Variants in CUL4A observed in about 807,000 individuals in gnomAD.
CUL4A encodes the protein cullin 4A.
Under a neutral mutation model 95.5 loss-of-function variants are expected in CUL4A, and 16 were observed. The observed-to-expected ratio is 0.17, with a 90% CI of 0.11 to 0.25. CUL4A has a LOEUF of 0.25. Ranked by LOEUF, CUL4A falls within the 10% of genes least tolerant of loss-of-function variation. The pLI, the probability that CUL4A is intolerant of heterozygous loss-of-function variation, is 1.00. For synonymous variants in CUL4A, 380 were observed against 353.1 expected, an observed-to-expected ratio of 1.08 and a Z score of -0.85; for missense variants, 610 against 937.0, an observed-to-expected ratio of 0.65 and a Z score of 4.56.
intron 15 of CUL4A, among the ~76,000 whole-genome samples, chr13:113,251,402 G>A (rs1475760103): frequency 1.3e-5 from 2 of 152,218 alleles, no homozygotes; most frequent in South Asian, 2.1e-4. Context: ...AGAATTTCAC[G>A]CTTTCTTTGT....
intron 16 of CUL4A, 31 bp downstream of exon 16, chr13:113,253,226 A>G (rs2042038346): frequency 5.1e-6 from 6 of 1,179,254 alleles, no homozygotes; most frequent in Non-Finnish European, 7.1e-6. Context: ...ATTTTTTATT[A>G]TTTGTAAATA....
At chr13:113,234,880 T>C (rs2041486883) in intron 7 of CUL4A, among the ~76,000 whole-genome samples, 183 bp from the exon 8 acceptor site, 1 of 152,178 alleles carries the variant, frequency 6.6e-6, no homozygotes, top group African/African-American at 2.4e-5. Flanking sequence ...GCGTCCTTTC[T>C]CCATGTCCCC....
At chr13:113,212,916 G>C (rs949450536) in intron 2 of CUL4A, among the ~76,000 whole-genome samples, 2 of 152,206 alleles carry the variant, frequency 1.3e-5, no homozygotes, top group Admixed American at 6.5e-5. Context: ...AGTGAGTTGT[G>C]AAATCAGGGT....
intron 18 of CUL4A, among the ~76,000 whole-genome samples, chr13:113,259,850 C>G (rs1393829967): frequency 3.3e-5 from 5 of 152,058 alleles, no homozygotes; most frequent in Non-Finnish European, 1.5e-5. Flanking sequence ...CCTTTTACTA[C>G]AACAAGTAAA....
intron 10 of CUL4A, among the ~76,000 whole-genome samples, 161 bp from the exon 11 acceptor site, chr13:113,242,807 A>G (rs1448465072): frequency 6.6e-6 from 1 of 152,242 alleles, no homozygotes; most frequent in Non-Finnish European, 1.5e-5. Context: ...TATTCACTTA[A>G]TTTTTGAAAT....
At chr13:113,224,140 C>T (rs1463419740) in intron 3 of CUL4A, among the ~76,000 whole-genome samples, 1 of 152,082 alleles carries the variant, frequency 6.6e-6, no homozygotes, top group Non-Finnish European at 1.5e-5. Flanking sequence ...ATCATGAGGT[C>T]AGGAGATCGA....
intron 2 of CUL4A, among the ~76,000 whole-genome samples, chr13:113,212,699 C>T (rs531899639): frequency 1.3e-5 from 2 of 152,158 alleles, no homozygotes; most frequent in African/African-American, 4.8e-5. Flanking sequence ...GCCGGAGAAT[C>T]GCTTGAACCC....
chr13:113,246,190 G>A (rs1260548222), intron 15 of CUL4A, 127 bp downstream of exon 15: 2 of 676,194 alleles, frequency 3.0e-6, no homozygotes, highest in Non-Finnish European at 5.0e-6. Context: ...AAATCAAAGT[G>A]CTCTTATGGT....
intron 3 of CUL4A, among the ~76,000 whole-genome samples, chr13:113,223,344 A>G (rs1566330049): frequency 6.6e-6 from 1 of 152,164 alleles, no homozygotes; most frequent in Non-Finnish European, 1.5e-5. Context: ...TGCCTCTGGG[A>G]TATTCCAGTA....
At chr13:113,223,374 C>G (rs11616394) in intron 3 of CUL4A, among the ~76,000 whole-genome samples, 1 of 152,000 alleles carries the variant, frequency 6.6e-6, no homozygotes, top group East Asian at 2.0e-4. Flanking sequence ...ACTCTACTTT[C>G]TAAGATTTAA....
At chr13:113,229,837 G>A (rs2041244921) in intron 5 of CUL4A, 1 of 469,466 alleles carries the variant, frequency 2.1e-6, no homozygotes, top group Non-Finnish European at 3.7e-6. Flanking sequence ...CAGCGCTGCA[G>A]TTGAAACTCG....
chr13:113,258,146 C>T (rs750021043), intron 18 of CUL4A, among the ~76,000 whole-genome samples: 12 of 152,002 alleles, frequency 7.9e-5, no homozygotes, highest in African/African-American at 1.9e-4. Flanking sequence ...TATGCCACCA[C>T]GCCCAGCTAA....
Position 113,259,469 on chromosome 13 carries a change from G to A in CUL4A, c.2032-1138G>A, listed in dbSNP as rs374601865. ...TTGGACTAAGGTTAAGTTGTCTCTA[G>A]TATTTGCTGTTTGTTTCTGATAACC... On this transcript the variant is annotated intron_variant, in intron 18 of 19. Transcript: ENST00000375440. 2.0e-5 allele frequency among the ~76,000 whole-genome samples: 3 copies of A among 152,268 alleles called. No homozygotes were observed. The East Asian group carries it at 5.8e-4, about 29-fold the overall frequency.
intron 2 of CUL4A, among the ~76,000 whole-genome samples, chr13:113,218,060 A>G (rs979425232): frequency 6.6e-6 from 1 of 152,208 alleles, no homozygotes; most frequent in African/African-American, 2.4e-5. Context: ...AACATGGCGA[A>G]ACCCCTCCTC....
upstream of CUL4A, chr13:113,208,602 C>G: frequency 6.2e-7 from 1 of 1,608,098 alleles, no homozygotes; most frequent in Non-Finnish European, 8.5e-7. Flanking sequence ...GACCCACCTG[C>G]TGCAGGTACT....
Position 113,209,720 on chromosome 13 carries a change from CG to C in CUL4A, c.94del (p.Ala32ProfsTer95). ...AGCCCGCGGCCCTGGCCGCCGCGCC[CG>C]CCAAGCCGGGGGGCGCGGGCGGCTC... ...TKPAALAAAP[A>X]KPGGAGGSKK... On this transcript the variant is annotated frameshift_variant, in exon 1 of 20. Coordinates refer to ENST00000375440, the MANE Select transcript of CUL4A (RefSeq NM_001008895.4). LOFTEE classifies it high-confidence loss of function. The C allele has an allele frequency of 8.6e-7, 1 of 1,161,466 alleles. No individual in the cohort carries two copies. Among genetic ancestry groups the C allele is most frequent in the Non-Finnish European group, 1.1e-6 (1 of 943,224 alleles). 71.9% of individuals were successfully genotyped at this position (1,161,466 alleles called of 1,614,324 possible). A position where few individuals can be genotyped will look rare whatever the true frequency, so the allele number is the denominator to read the frequency against.
intron 15 of CUL4A, among the ~76,000 whole-genome samples, chr13:113,248,745 A>G (rs1025153578): frequency 1.3e-5 from 2 of 152,172 alleles, no homozygotes; most frequent in African/African-American, 4.8e-5. Context: ...AATAATCTCT[A>G]GATGATTTGT....
chr13:113,234,038 C>A, intron 7 of CUL4A, 52 bp downstream of exon 7: 1 of 1,092,052 alleles, frequency 9.2e-7, no homozygotes, highest in South Asian at 1.3e-5. Context: ...TGCAGATGAG[C>A]ACCTAGGAGG....
chr13:113,239,833 T>C (rs1249472423), intron 10 of CUL4A, among the ~76,000 whole-genome samples: 1 of 152,266 alleles, frequency 6.6e-6, no homozygotes, highest in Non-Finnish European at 1.5e-5. Context: ...GCATAAATAT[T>C]GGTTTAATTC....
Sources: gnomAD v4.1 joint callset for allele counts (sites outside exome capture counted in the v4.1 genomes callset) on GRCh38, gnomAD v4.1.1 for gene constraint, MANE v1.5 for transcripts, NCBI Gene and HGNC (gene_info 2026-07-23, HGNC 2026-07-21) for gene names.